Variants in PCDH15 observed in about 807,000 individuals in gnomAD.
PCDH15 encodes protocadherin-15.
PCDH15 carries 129 observed loss-of-function variants against 178.5 expected under a neutral mutation model. That is an observed-to-expected ratio of 0.72 (90% CI 0.63 to 0.84). PCDH15 has a LOEUF of 0.84. Among genes scored for constraint, PCDH15 ranks in the 40% least tolerant of loss-of-function variants. PCDH15 has a pLI of 0.00. For missense variants in PCDH15, 2,230 were observed against 2,099.9 expected (o/e 1.06, Z -1.21); for synonymous variants, 800 against 732.0 (o/e 1.09, Z -1.50).
chr10:54,283,562 A>C (rs2058838638), intron 8 of PCDH15, among the ~76,000 whole-genome samples: 1 of 152,176 alleles, frequency 6.6e-6, no homozygotes, highest in South Asian at 2.1e-4. Context: ...ATGTTTCTCA[A>C]TAACAACAAT....
intron 8 of PCDH15, among the ~76,000 whole-genome samples, chr10:54,295,745 G>T (rs60053790): frequency 1.3e-5 from 2 of 151,882 alleles, no homozygotes. Flanking sequence ...ACCACGAAGG[G>T]ATAATCACCA....
At chr10:54,875,763 A>G (rs1262403112) in intron 3 of PCDH15, among the ~76,000 whole-genome samples, 1 of 152,178 alleles carries the variant, frequency 6.6e-6, no homozygotes, top group Non-Finnish European at 1.5e-5. Context: ...CTGCAGAAGA[A>G]AAGGTTGAAG....
intron 28 of PCDH15, among the ~76,000 whole-genome samples, chr10:53,842,265 T>G (rs1198939669): frequency 1.3e-5 from 2 of 152,160 alleles, no homozygotes; most frequent in Non-Finnish European, 2.9e-5. Flanking sequence ...GGTTTGTTTG[T>G]TTGCTTTTTG....
chr10:55,611,681 ATGT>A (rs1843368931), intron 2 of PCDH15, among the ~76,000 whole-genome samples: 1 of 152,114 alleles, frequency 6.6e-6, no homozygotes, highest in Non-Finnish European at 1.5e-5. Flanking sequence ...TAAAATCAGT[ATGT>A]TGACTAGATA....
chr10:54,619,742 G>A (rs1044034031), intron 2 of PCDH15, among the ~76,000 whole-genome samples: 41 of 152,022 alleles, frequency 2.7e-4, no homozygotes, highest in Admixed American at 9.2e-4. Flanking sequence ...CTAGACTGCC[G>A]CACTAGAACC....
At chr10:54,013,530 TGAA>T (rs1389500474) in intron 20 of PCDH15, among the ~76,000 whole-genome samples, 2 of 151,986 alleles carry the variant, frequency 1.3e-5, no homozygotes, top group Non-Finnish European at 2.9e-5. Context: ...TGTAACAAAT[TGAA>T]GAAGACTAAA....
chr10:53,931,874 G>A (rs912683165), intron 25 of PCDH15, among the ~76,000 whole-genome samples: 2 of 152,182 alleles, frequency 1.3e-5, no homozygotes, highest in African/African-American at 2.4e-5. Context: ...CTTTGGGGAA[G>A]AGGCTGTAAG....
At chr10:55,552,104 C>T (rs1229135014) in intron 2 of PCDH15, among the ~76,000 whole-genome samples, 1 of 151,730 alleles carries the variant, frequency 6.6e-6, no homozygotes, top group East Asian at 1.9e-4. Flanking sequence ...ATTATTCATA[C>T]TGCGTAGTCA....
rs1240219060 is a variant in PCDH15 at position 54,023,126 on chromosome 10, A to G, written c.2292T>C (p.Arg764=). The change falls in exon 19 of 38, where the codon CGT becomes CGC. Residue 764 remains arginine, a synonymous_variant. Coordinates refer to ENST00000644397, the MANE Select transcript of PCDH15 (RefSeq NM_001384140.1). ...YSLGNFNNLF[R]ITSNGSIYTA... ...TGTAAATGCTCCCATTGGATGTGAT[A>G]CGAAAAAGATTATTAAAGTTACCCA... 1.2e-5 allele frequency: 19 copies of G among 1,613,816 alleles called. No individual in the cohort carries two copies. Among genetic ancestry groups the G allele is most frequent in the Non-Finnish European group, 1.5e-5 (18 of 1,179,902 alleles).
At chr10:53,850,430 T>C (rs1441787313) in intron 28 of PCDH15, among the ~76,000 whole-genome samples, 1 of 152,114 alleles carries the variant, frequency 6.6e-6, no homozygotes, top group East Asian at 1.9e-4. Flanking sequence ...AGACAAGTCA[T>C]TCTTCTTGTA....
intron 2 of PCDH15, among the ~76,000 whole-genome samples, chr10:55,071,785 A>G (rs1488752255): frequency 6.6e-6 from 1 of 152,144 alleles, no homozygotes; most frequent in Non-Finnish European, 1.5e-5. Flanking sequence ...CCAAATCAAG[A>G]GAATATACAT....
intron 2 of PCDH15, among the ~76,000 whole-genome samples, chr10:55,079,432 A>G (rs1311907123): frequency 2.0e-5 from 3 of 152,174 alleles, no homozygotes. Flanking sequence ...GGTAAAGTGT[A>G]AAGTGTTGCT....
intron 2 of PCDH15, among the ~76,000 whole-genome samples, chr10:54,942,011 G>T (rs1188201853): frequency 6.6e-6 from 1 of 151,960 alleles, no homozygotes; most frequent in African/African-American, 2.4e-5. Flanking sequence ...CTATCTGATT[G>T]CACTATTATT....
At chr10:54,736,335 G>T (rs1339401206) in intron 1 of PCDH15, among the ~76,000 whole-genome samples, 3 of 151,956 alleles carry the variant, frequency 2.0e-5, no homozygotes, top group Non-Finnish European at 4.4e-5. Context: ...TAATCCATTA[G>T]AATTATTTTC....
intron 1 of PCDH15, among the ~76,000 whole-genome samples, chr10:55,267,606 C>A (rs1459247072): frequency 6.6e-6 from 1 of 152,140 alleles, no homozygotes; most frequent in African/African-American, 2.4e-5. Context: ...TGGTTTCCTA[C>A]AGTAAAGTAG....
At chr10:54,873,657 T>C (rs959560950) in intron 3 of PCDH15, among the ~76,000 whole-genome samples, 22 of 146,734 alleles carry the variant, frequency 1.5e-4, no homozygotes, top group Non-Finnish European at 3.1e-4. Context: ...CTTGAGGTGA[T>C]AGTTTTGTGA....
chr10:54,766,937 C>CAA (rs200136854), intron 1 of PCDH15, among the ~76,000 whole-genome samples: 8,488 of 145,940 alleles, frequency 0.058, 255 homozygotes, highest in East Asian at 0.1. Flanking sequence ...CTCAAAAAAA[C>CAA]AAAAAAAAAA....
chr10:55,107,519 C>A (rs1273641945), intron 2 of PCDH15, among the ~76,000 whole-genome samples: 1 of 132,798 alleles, frequency 7.5e-6, no homozygotes, highest in African/African-American at 2.8e-5. Flanking sequence ...TGAGATGGAG[C>A]CTCGCCCTGT....
chr10:54,094,692 C>T (rs1407644972), intron 15 of PCDH15, among the ~76,000 whole-genome samples: 1 of 152,104 alleles, frequency 6.6e-6, no homozygotes, highest in African/African-American at 2.4e-5. Context: ...CACTGGTTTG[C>T]TAATATATGG....
Sources: gnomAD v4.1 joint callset for allele counts (sites outside exome capture counted in the v4.1 genomes callset) on GRCh38, gnomAD v4.1.1 for gene constraint, MANE v1.5 for transcripts, NCBI Gene and HGNC (gene_info 2026-07-23, HGNC 2026-07-21) for gene names.